ATP6V1B2: variants seen among roughly 807,000 people sequenced by gnomAD.
ATP6V1B2 encodes the protein V-type proton ATPase subunit B, brain isoform.
Under a neutral mutation model 66.7 loss-of-function variants are expected in ATP6V1B2, and 23 were observed. The observed-to-expected ratio is 0.34, with a 90% CI of 0.25 to 0.49. The LOEUF is 0.49. Among genes scored for constraint, ATP6V1B2 ranks in the 20% least tolerant of loss-of-function variants. ATP6V1B2 has a pLI of 0.99. For synonymous variants in ATP6V1B2, 278 were observed against 236.7 expected (o/e 1.17, Z -1.60); for missense variants, 478 against 650.8 (o/e 0.73, Z 2.89).
rs1017502007 is a variant in ATP6V1B2, at chr8:20,217,339, C to T, written c.1266+15C>T. The T allele has an allele frequency of 6.3e-7, 1 of 1,577,246 alleles. No individual in the cohort carries two copies. Among genetic ancestry groups the T allele is most frequent in the Non-Finnish European group, 8.7e-7 (1 of 1,146,922 alleles). On this transcript the variant is annotated intron_variant, in intron 12 of 13. Coordinates refer to ENST00000276390, the MANE Select transcript of ATP6V1B2 (RefSeq NM_001693.4). The stretch of plus-strand genomic sequence containing the variant: ...CTAACCAGCTAGTATGTACATTCTT[C>T]TAAGAATGGTGTTTGAAAATATGGA...
intron 1 of ATP6V1B2, among the ~76,000 whole-genome samples, chr8:20,203,494 A>G (rs988381150): frequency 5.9e-5 from 9 of 152,242 alleles, no homozygotes; most frequent in African/African-American, 1.9e-4. Flanking sequence ...AGCTCATTAT[A>G]AGACCTCAAA....
chr8:20,202,574 CTG>C (rs1406099199), intron 1 of ATP6V1B2, among the ~76,000 whole-genome samples: 2 of 152,200 alleles, frequency 1.3e-5, no homozygotes, highest in East Asian at 3.8e-4. Context: ...ATTTGAGTCA[CTG>C]TTTCCAGGAA....
intron 13 of ATP6V1B2, 54 bp from the exon 14 acceptor site, chr8:20,220,209 C>T (rs2072894226): frequency 6.4e-7 from 1 of 1,573,388 alleles, no homozygotes; most frequent in Non-Finnish European, 8.6e-7. Context: ...TACTGGATAA[C>T]ACTGCTAAGT....
intron 1 of ATP6V1B2, among the ~76,000 whole-genome samples, chr8:20,200,037 CTGT>C (rs2128884374): frequency 6.6e-6 from 1 of 151,856 alleles, no homozygotes; most frequent in Non-Finnish European, 1.5e-5. Flanking sequence ...GGGTCTCACT[CTGT>C]TGCCTAGGCT....
In ATP6V1B2 at chr8:20,214,802, C is replaced by G. The variant is rs368497874; in HGVS notation, c.928-16C>G. The G allele has an allele frequency of 1.2e-6, 2 of 1,605,686 alleles. No homozygotes were observed. The highest frequency in any genetic ancestry group is 2.7e-5 in the African/African-American group (2 of 74,762). On this transcript the variant is annotated splice_polypyrimidine_tract_variant and intron_variant, in intron 9 of 13. Transcript: ENST00000276390. ...TAATATCGTGCATGATACTCTTCTG[C>G]TTGACCTGCTGTCAGGTTTCAGCAG...
chr8:20,210,634 C>A lies in ATP6V1B2; in HGVS notation c.451C>A (p.Leu151Ile), dbSNP rs754962630. Reference protein sequence around the residue: ...RGPVVLAEDFLDIMGQPINPQ... With the variant: ...RGPVVLAEDFIDIMGQPINPQ... ...TCCTGTTGTACTGGCCGAAGACTTC[C>A]TTGATATCATGGGTAGGTACAGTAG... The change falls in exon 5 of 14, where the codon CTT (leucine) becomes ATT (isoleucine). Residue 151 changes from leucine to isoleucine, a missense_variant. This residue lies in a region of ATP6V1B2 where 326 missense variants were observed against 545.6 expected (regional missense o/e 0.60). Transcript: ENST00000276390. 4.0e-5 allele frequency: 64 copies of A among 1,613,374 alleles called. No homozygotes were observed. Among genetic ancestry groups the A allele is most frequent in the Non-Finnish European group, 5.1e-5 (60 of 1,179,548 alleles).
intron 7 of ATP6V1B2, 125 bp downstream of exon 7, chr8:20,211,878 G>T: frequency 2.2e-6 from 2 of 906,186 alleles, no homozygotes; most frequent in Non-Finnish European, 1.6e-6. Context: ...CTGGCATTTT[G>T]GCCAAATTAA....
At chr8:20,213,473 A>T (rs561943421) in intron 9 of ATP6V1B2, 4 of 154,692 alleles carry the variant, frequency 2.6e-5, no homozygotes, top group African/African-American at 9.6e-5. Context: ...ACATAGCAAG[A>T]CCCTTTCTCC....
intron 1 of ATP6V1B2, among the ~76,000 whole-genome samples, chr8:20,198,731 T>G (rs912831185): frequency 1.3e-5 from 2 of 152,206 alleles, no homozygotes; most frequent in African/African-American, 4.8e-5. Flanking sequence ...CACATCCTGA[T>G]CTGTCACTGG....
chr8:20,217,183 T>A (rs1449245753), intron 11 of ATP6V1B2, 37 bp from the exon 12 acceptor site: 1 of 1,530,942 alleles, frequency 6.5e-7, no homozygotes, highest in East Asian at 2.3e-5. Flanking sequence ...AGTTTTGTAC[T>A]TAAATATAGT....
chr8:20,200,864 A>G (rs2072678698), intron 1 of ATP6V1B2, among the ~76,000 whole-genome samples: 1 of 152,208 alleles, frequency 6.6e-6, no homozygotes, highest in African/African-American at 2.4e-5. Flanking sequence ...CTCTTCTTGT[A>G]CAAGGGAAGA....
chr8:20,203,514 G>C (rs2072707330), intron 1 of ATP6V1B2, among the ~76,000 whole-genome samples: 1 of 152,134 alleles, frequency 6.6e-6, no homozygotes, highest in Non-Finnish European at 1.5e-5. Flanking sequence ...AAGAAATCAA[G>C]CAAGTGAAAA....
At chr8:20,211,054 G>A in intron 5 of ATP6V1B2, 123 bp from the exon 6 acceptor site, 1 of 1,256,474 alleles carries the variant, frequency 8.0e-7, no homozygotes, top group Non-Finnish European at 1.1e-6. Context: ...GTAGTAAAGA[G>A]ATGCTTTATG....
rs1182455680 is a variant in ATP6V1B2, at chr8:20,214,917, G to C, written c.1027G>C (p.Gly343Arg). The change falls in exon 10 of 14, where the codon GGG (glycine) becomes CGG (arginine). Residue 343 changes from glycine to arginine, a missense_variant. Coordinates refer to ENST00000276390, the MANE Select transcript of ATP6V1B2 (RefSeq NM_001693.4). ...TIYERAGRVE[G>R]RNGSITQIPI... is the part of the protein sequence containing the mutation. ...ATATGAACGCGCTGGGCGAGTGGAAGGGAGAAACGGCTCGATTACTCAAAT... is the reference window on the plus strand; with the variant it reads ...ATATGAACGCGCTGGGCGAGTGGAACGGAGAAACGGCTCGATTACTCAAAT... 6.2e-7 allele frequency: 1 copy of C among 1,613,638 alleles called. No homozygotes were observed. Among genetic ancestry groups the C allele is most frequent in the South Asian group, 1.1e-5 (1 of 91,050 alleles).
intron 1 of ATP6V1B2, among the ~76,000 whole-genome samples, chr8:20,199,581 G>T (rs1417081264): frequency 2.1e-5 from 3 of 144,748 alleles, no homozygotes; most frequent in Non-Finnish European, 4.5e-5. Context: ...AGTAAATATT[G>T]ATTAACCTCT....
At chr8:20,213,024 AGAATGCCT>A (rs2072811422) in intron 9 of ATP6V1B2, 119 bp downstream of exon 9, 1 of 1,340,358 alleles carries the variant, frequency 7.5e-7, no homozygotes, top group East Asian at 2.4e-5. Flanking sequence ...ATATATTAAT[AGAATGCCT>A]TAATAAATCA....
chr8:20,204,388 C>A, intron 1 of ATP6V1B2, 96 bp from the exon 2 acceptor site: 1 of 1,049,034 alleles, frequency 9.5e-7, no homozygotes, highest in Non-Finnish European at 1.4e-6. Flanking sequence ...TTCTAATAGA[C>A]ATGATAACGT....
chr8:20,209,947 G>T (rs1329335797), intron 3 of ATP6V1B2, among the ~76,000 whole-genome samples: 1 of 151,834 alleles, frequency 6.6e-6, no homozygotes, highest in Non-Finnish European at 1.5e-5. Flanking sequence ...GCAGGGATTG[G>T]CAAGATTTCT....
At chr8:20,208,310 T>C (rs2072758315) in intron 2 of ATP6V1B2, among the ~76,000 whole-genome samples, 1 of 152,226 alleles carries the variant, frequency 6.6e-6, no homozygotes, top group Non-Finnish European at 1.5e-5. Context: ...TGAAAGGTAG[T>C]GTAGTTATCT....
Sources: gnomAD v4.1 joint callset for allele counts (sites outside exome capture counted in the v4.1 genomes callset) on GRCh38, gnomAD v4.1.1 for gene constraint, gnomAD v4.1.1 regional missense constraint, MANE v1.5 for transcripts, NCBI Gene and HGNC (gene_info 2026-07-23, HGNC 2026-07-21) for gene names.